The following MGAT4C variants were observed in gnomAD, a reference collection of about 807,000 sequenced individuals.
The protein encoded by MGAT4C is MGAT4 family member C.
Under a neutral mutation model 40.1 loss-of-function variants are expected in MGAT4C, and 19 were observed. The observed-to-expected ratio is 0.47, with a 90% CI of 0.33 to 0.70. MGAT4C has a LOEUF of 0.70. Among genes scored for constraint, MGAT4C ranks in the 30% least tolerant of loss-of-function variants. The pLI is 0.02. For missense variants in MGAT4C, 491 were observed against 563.2 expected (o/e 0.87, Z 1.30); for synonymous variants, 181 against 187.1 (o/e 0.97, Z 0.27).
intron 2 of MGAT4C, among the ~76,000 whole-genome samples, chr12:86,455,951 G>A (rs935356027): frequency 2.6e-5 from 4 of 151,984 alleles, no homozygotes; most frequent in Admixed American, 6.6e-5. Context: ...TACTTGAACT[G>A]ATAAATCTTC....
intron 3 of MGAT4C, among the ~76,000 whole-genome samples, chr12:86,376,790 C>CAGAG (rs1157679938): frequency 8.2e-6 from 1 of 121,262 alleles, no homozygotes. Flanking sequence ...GAGAGAGAGA[C>CAGAG]AGAGAGAGAG....
chr12:86,736,746 C>T (rs996277106), intron 1 of MGAT4C, among the ~76,000 whole-genome samples: 1 of 151,826 alleles, frequency 6.6e-6, no homozygotes, highest in Non-Finnish European at 1.5e-5. Flanking sequence ...TTTTCTACTT[C>T]ACAGAAGAAA....
intron 4 of MGAT4C, among the ~76,000 whole-genome samples, chr12:86,270,101 C>T (rs1207819014): frequency 2.6e-5 from 4 of 152,060 alleles, no homozygotes; most frequent in Non-Finnish European, 5.9e-5. Context: ...GAGTCTCACT[C>T]TGTCCTCCAG....
At chr12:86,476,340 C>G (rs1273230241) in intron 2 of MGAT4C, among the ~76,000 whole-genome samples, 2 of 151,992 alleles carry the variant, frequency 1.3e-5, no homozygotes, top group Non-Finnish European at 2.9e-5. Flanking sequence ...AAACAATGCT[C>G]CACATCACTA....
intron 1 of MGAT4C, among the ~76,000 whole-genome samples, chr12:86,113,063 T>C (rs1482634168): frequency 1.3e-5 from 2 of 151,618 alleles, no homozygotes; most frequent in African/African-American, 4.8e-5. Flanking sequence ...AACAGTGAGA[T>C]CCTGGCCTCA....
Position 85,966,695 on chromosome 12 carries a change from T to C in MGAT4C, c.*12594A>G, listed in dbSNP as rs957056596. On this transcript the variant is annotated 3_prime_UTR_variant, in exon 5 of 5. Transcript: ENST00000611864. ...CTGGATTAAGAAAATGTGGCACATATACACCATGGAATACTATGCAGCCAT... is the reference window on the plus strand; with the variant it reads ...CTGGATTAAGAAAATGTGGCACATACACACCATGGAATACTATGCAGCCAT... 4.6e-5 allele frequency: 7 copies of C among 152,086 alleles called. No homozygotes were observed. The highest frequency in any genetic ancestry group is 1.0e-4 in the Non-Finnish European group (7 of 68,022). The allele number at this position is 152,086 out of a possible 1,614,324, so 9.4% of individuals were successfully genotyped here. A position where few individuals can be genotyped will look rare whatever the true frequency, so the allele number is the denominator to read the frequency against.
Position 86,656,729 on chromosome 12 carries a change from G to GT in MGAT4C, c.-229+70479_-229+70480insA, listed in dbSNP as rs1464850416. Among the ~76,000 whole-genome samples, 28 of 152,090 alleles carry GT rather than the reference G, an allele frequency of 1.8e-4. No homozygotes were observed. In the East Asian group the frequency reaches 5.2e-3, roughly 29 times the overall value. On this transcript the variant is annotated intron_variant, in intron 2 of 7. Transcript: ENST00000548651. ...CTTGTGTTTTTTTTGTGGAGTAATA[G>GT]AACACAAACATCTTTTGGTACTAAG...
intron 2 of MGAT4C, among the ~76,000 whole-genome samples, chr12:86,571,325 T>C (rs75543304): frequency 0.013 from 1,919 of 152,224 alleles, 12 homozygotes; most frequent in Non-Finnish European, 0.02. Flanking sequence ...GGGCATAAGA[T>C]AATTTCAAAG....
chr12:86,054,438 T>C (rs186180273), intron 1 of MGAT4C, among the ~76,000 whole-genome samples: 28 of 152,080 alleles, frequency 1.8e-4, no homozygotes, highest in Non-Finnish European at 2.8e-4. Context: ...GGTGTGGAGA[T>C]AGAAAGATGT....
chr12:86,441,611 T>C (rs1957229883), intron 2 of MGAT4C, among the ~76,000 whole-genome samples: 1 of 151,182 alleles, frequency 6.6e-6, no homozygotes, highest in Admixed American at 6.6e-5. Context: ...GGTTTTTTGT[T>C]CTTGCAACAG....
chr12:86,358,259 C>T (rs1172616485), intron 3 of MGAT4C, among the ~76,000 whole-genome samples: 1 of 152,182 alleles, frequency 6.6e-6, no homozygotes, highest in African/African-American at 2.4e-5. Context: ...AAATAAAATA[C>T]TTTACAGACA....
chr12:86,135,945 A>C (rs1048587617), intron 1 of MGAT4C, among the ~76,000 whole-genome samples: 5 of 152,230 alleles, frequency 3.3e-5, no homozygotes, highest in African/African-American at 1.2e-4. Flanking sequence ...CAGTTTAAAC[A>C]TGGAAAGATA....
intron 2 of MGAT4C, among the ~76,000 whole-genome samples, chr12:86,520,576 T>C (rs930329218): frequency 6.6e-6 from 1 of 152,206 alleles, no homozygotes; most frequent in African/African-American, 2.4e-5. Flanking sequence ...TTTATATTTC[T>C]TTGGGCATAT....
chr12:86,834,157 TATAG>T (rs1460154681), intron 1 of MGAT4C, among the ~76,000 whole-genome samples: 4 of 146,424 alleles, frequency 2.7e-5, no homozygotes, highest in East Asian at 2.0e-4. Context: ...CAGATCTATC[TATAG>T]ATAGAGATAG....
chr12:86,406,432 T>C (rs573554067), intron 3 of MGAT4C, among the ~76,000 whole-genome samples: 55 of 152,054 alleles, frequency 3.6e-4, no homozygotes, highest in African/African-American at 1.2e-3. Flanking sequence ...CAGCTAAAGA[T>C]AGGAAGAGAC....
chr12:86,324,306 T>C (rs1356390097), intron 4 of MGAT4C, among the ~76,000 whole-genome samples: 7 of 152,092 alleles, frequency 4.6e-5, no homozygotes, highest in Admixed American at 4.6e-4. Context: ...TGTATTATGT[T>C]GTATTAGTGA....
intron 2 of MGAT4C, among the ~76,000 whole-genome samples, chr12:86,048,849 A>T (rs1421786469): frequency 6.6e-6 from 1 of 152,090 alleles, no homozygotes; most frequent in African/African-American, 2.4e-5. Context: ...GAGTTGTTAC[A>T]ATGAAAACAA....
At chr12:86,834,637 C>CACACACACACACA (rs398020454) in intron 1 of MGAT4C, among the ~76,000 whole-genome samples, 1 of 149,818 alleles carries the variant, frequency 6.7e-6, no homozygotes, top group Non-Finnish European at 1.5e-5. Flanking sequence ...CACACACACA[C>CACACACACACACA]CCCTTTACAG....
chr12:86,551,499 C>T (rs1959358967), intron 2 of MGAT4C, among the ~76,000 whole-genome samples: 1 of 152,152 alleles, frequency 6.6e-6, no homozygotes, highest in African/African-American at 2.4e-5. Context: ...AGAAACAGTC[C>T]CATGGGCTGC....
Sources: gnomAD v4.1 joint callset for allele counts (sites outside exome capture counted in the v4.1 genomes callset) on GRCh38, gnomAD v4.1.1 for gene constraint, MANE v1.5 for transcripts, NCBI Gene and HGNC (gene_info 2026-07-23, HGNC 2026-07-21) for gene names.